Variants in CLNK observed in about 807,000 individuals in gnomAD.
CLNK encodes the protein cytokine-dependent hematopoietic cell linker.
A neutral mutation model predicts 68.6 loss-of-function variants in CLNK; 74 were observed. The ratio of observed to expected loss-of-function variants is 1.08; its 90% CI spans 0.89 to 1.31. CLNK has a LOEUF of 1.31. Among genes scored for constraint, CLNK ranks in the 50% most tolerant of loss-of-function variants. The probability of loss-of-function intolerance (pLI) is 0.00; values close to 1 mark genes in which losing one functional copy is unlikely to be tolerated. For missense variants in CLNK, 553 were observed against 515.3 expected (o/e 1.07, Z -0.71); for synonymous variants, 198 against 172.2 (o/e 1.15, Z -1.17).
intron 2 of CLNK, among the ~76,000 whole-genome samples, chr4:10,654,602 G>A (rs1266635003): frequency 6.6e-6 from 1 of 150,714 alleles, no homozygotes; most frequent in African/African-American, 2.4e-5. Context: ...GAAATGGAGA[G>A]GAAGAAATAA....
chr4:10,624,552 A>G (rs904899976), intron 2 of CLNK, among the ~76,000 whole-genome samples: 54 of 147,708 alleles, frequency 3.7e-4, no homozygotes, highest in African/African-American at 1.2e-3. Flanking sequence ...TTAGCCTCCC[A>G]ACGTGCTGGG....
intron 2 of CLNK, among the ~76,000 whole-genome samples, chr4:10,625,455 C>T (rs1396475061): frequency 6.6e-6 from 1 of 152,146 alleles, no homozygotes; most frequent in Non-Finnish European, 1.5e-5. Context: ...CCCCTTAGAC[C>T]CAGTGAGATC....
intron 8 of CLNK, among the ~76,000 whole-genome samples, chr4:10,553,163 T>A (rs1030057777): frequency 2.0e-5 from 3 of 152,152 alleles, no homozygotes; most frequent in African/African-American, 7.2e-5. Context: ...TAACACCCGA[T>A]AAACTACTCA....
chr4:10,659,078 C>T (rs1041182602), intron 2 of CLNK, among the ~76,000 whole-genome samples: 1 of 152,146 alleles, frequency 6.6e-6, no homozygotes, highest in African/African-American at 2.4e-5. Context: ...GTGGTAGGCA[C>T]CTGTAATCCC....
chr4:10,561,806 TC>T (rs780562908), intron 7 of CLNK, among the ~76,000 whole-genome samples: 39 of 152,318 alleles, frequency 2.6e-4, no homozygotes, highest in Admixed American at 9.2e-4. Flanking sequence ...ACCGAGAAAG[TC>T]TTTTTTGTGA....
At chr4:10,563,806 C>A (rs1435737964) in intron 7 of CLNK, among the ~76,000 whole-genome samples, 2 of 152,052 alleles carry the variant, frequency 1.3e-5, no homozygotes, top group African/African-American at 4.8e-5. Flanking sequence ...ATTCAGAAGG[C>A]CGAAGCAGGA....
At chr4:10,682,123 GTGTGTGTGTA>G (rs921196135) in intron 1 of CLNK, among the ~76,000 whole-genome samples, 7 of 115,576 alleles carry the variant, frequency 6.1e-5, no homozygotes, top group South Asian at 2.9e-4. Flanking sequence ...AATTCTGTTT[GTGTGTGTGTA>G]TGTGTGTGTG....
the CLNK span, among the ~76,000 whole-genome samples, chr4:10,723,836 T>A: frequency 3.0e-5 from 3 of 99,834 alleles, no homozygotes; most frequent in African/African-American, 9.4e-5. Flanking sequence ...CTGTGTTCAC[T>A]GAAATGCTAG....
chr4:10,690,148 C>T, the CLNK span, among the ~76,000 whole-genome samples: 2 of 152,082 alleles, frequency 1.3e-5, no homozygotes, highest in Admixed American at 6.6e-5. Flanking sequence ...TAAATAAACA[C>T]GGTTGGCATT....
chr4:10,629,693 C>T (rs945983436), intron 2 of CLNK, among the ~76,000 whole-genome samples: 4 of 152,046 alleles, frequency 2.6e-5, no homozygotes, highest in African/African-American at 9.7e-5. Flanking sequence ...TCAAGCCCAA[C>T]TAGTTTTCAA....
At chr4:10,725,283 T>C in the CLNK span, among the ~76,000 whole-genome samples, 21 of 152,328 alleles carry the variant, frequency 1.4e-4, no homozygotes, top group East Asian at 4.0e-3. Flanking sequence ...CCTCTGGCTT[T>C]GCACCAGGCC....
intron 1 of CLNK, among the ~76,000 whole-genome samples, chr4:10,682,292 G>T (rs13126573): frequency 6.6e-6 from 1 of 151,986 alleles, no homozygotes; most frequent in African/African-American, 2.4e-5. Context: ...TAATTTAGCC[G>T]CTTTGAACAC....
chr4:10,586,038 T>A (rs1372116820), intron 3 of CLNK, among the ~76,000 whole-genome samples: 1 of 152,124 alleles, frequency 6.6e-6, no homozygotes, highest in African/African-American at 2.4e-5. Flanking sequence ...CCTAGATCAC[T>A]CTCATGCACG....
chr4:10,520,229 C>T (rs1002121544), intron 15 of CLNK, among the ~76,000 whole-genome samples: 1 of 152,236 alleles, frequency 6.6e-6, no homozygotes, highest in African/African-American at 2.4e-5. Context: ...CCACTTCAGA[C>T]ATCGCCGCAG....
chr4:10,504,116 C>CTTTTTTTTT (rs10660433), intron 17 of CLNK, among the ~76,000 whole-genome samples: 2 of 67,328 alleles, frequency 3.0e-5, no homozygotes, highest in African/African-American at 1.1e-4. Flanking sequence ...TCTTTGGGTT[C>CTTTTTTTTT]TTTTTTTTTT....
At chr4:10,728,664 C>T in the CLNK span, among the ~76,000 whole-genome samples, 4 of 147,144 alleles carry the variant, frequency 2.7e-5, no homozygotes, top group Non-Finnish European at 5.9e-5. Flanking sequence ...AGTGCATTGG[C>T]GCCATCTCCC....
intron 4 of CLNK, among the ~76,000 whole-genome samples, chr4:10,580,220 CAT>C (rs3030341): frequency 0.041 from 6,188 of 152,272 alleles, 183 homozygotes; most frequent in Middle Eastern, 0.095. Flanking sequence ...ATGCATGACT[CAT>C]GTGCTTCTGA....
rs766935835 is a variant in CLNK at position 10,566,047 on chromosome 4, A to T, written c.254T>A (p.Ile85Asn). Residue 85 changes from isoleucine to asparagine, a missense_variant, in exon 6 of 19, where the codon ATT (isoleucine) becomes AAT (asparagine). Ile to Asn is a moderately radical substitution (Grantham distance 149). Coordinates refer to ENST00000226951, the MANE Select transcript of CLNK (RefSeq NM_052964.4). Reference sequence around the variant, plus strand: ...TTCCTTTATAGGCCGGGCTGGTAAAATTTTAATCGACTGCCATGTCTCTTC... The same window carrying T: ...TTCCTTTATAGGCCGGGCTGGTAAATTTTTAATCGACTGCCATGTCTCTTC... ...RMEETWQSIK[I>N]LPARPIKESE... 4 of 1,613,778 alleles carry T rather than the reference A, an allele frequency of 2.5e-6. No homozygotes were observed. Among genetic ancestry groups the T allele is most frequent in the Non-Finnish European group, 3.4e-6 (4 of 1,179,832 alleles).
chr4:10,600,062 T>C (rs780456029), intron 2 of CLNK, among the ~76,000 whole-genome samples: 35 of 152,238 alleles, frequency 2.3e-4, no homozygotes, highest in Non-Finnish European at 1.2e-4. Flanking sequence ...CCAGTGGCTT[T>C]GAATCCCATT....
Sources: gnomAD v4.1 joint callset for allele counts (sites outside exome capture counted in the v4.1 genomes callset) on GRCh38, gnomAD v4.1.1 for gene constraint, MANE v1.5 for transcripts, NCBI Gene and HGNC (gene_info 2026-07-23, HGNC 2026-07-21) for gene names.